Variants in CACNA1D observed in about 807,000 individuals in gnomAD.
The protein encoded by CACNA1D is calcium voltage-gated channel subunit alpha1 D.
CACNA1D carries 55 observed loss-of-function variants against 257.1 expected under a neutral mutation model. The observed-to-expected ratio is 0.21, with a 90% CI of 0.17 to 0.27. The LOEUF (loss-of-function observed/expected upper bound fraction) is 0.27, where lower values mean the gene tolerates loss of function less well. Ranked by LOEUF, CACNA1D falls within the 10% of genes least tolerant of loss-of-function variation. CACNA1D has a pLI of 1.00. For synonymous variants in CACNA1D, 980 were observed against 1,014.9 expected (o/e 0.97, Z 0.65); for missense variants, 1,876 against 2,784.0 (o/e 0.67, Z 7.34).
intron 7 of CACNA1D, among the ~76,000 whole-genome samples, chr3:53,667,647 C>T (rs1010366782): frequency 6.6e-6 from 1 of 152,188 alleles, no homozygotes; most frequent in South Asian, 2.1e-4. Flanking sequence ...TGCTGCCCTT[C>T]AGCAGCTCAC....
intron 8 of CACNA1D, among the ~76,000 whole-genome samples, chr3:53,674,433 A>G (rs963319550): frequency 6.6e-6 from 1 of 152,244 alleles, no homozygotes; most frequent in Admixed American, 6.5e-5. Flanking sequence ...ATGCAGAGTG[A>G]TGATCGACTT....
At chr3:53,665,509 C>T (rs1055616746) in intron 5 of CACNA1D, 151 bp from the exon 6 acceptor site, 6 of 660,010 alleles carry the variant, frequency 9.1e-6, no homozygotes, top group Non-Finnish European at 1.1e-5. Flanking sequence ...TATCTCACAT[C>T]CAGGCTTAAT....
intron 32 of CACNA1D, among the ~76,000 whole-genome samples, chr3:53,771,938 G>A (rs1172636094): frequency 1.3e-5 from 2 of 152,246 alleles, no homozygotes; most frequent in Non-Finnish European, 2.9e-5. Context: ...AGCTGGCACA[G>A]GTCTGAAGGT....
chr3:53,629,335 A>G (rs1357103004), intron 3 of CACNA1D, among the ~76,000 whole-genome samples: 1 of 152,244 alleles, frequency 6.6e-6, no homozygotes, highest in East Asian at 1.9e-4. Flanking sequence ...ACCAGGACAG[A>G]AGCCTAGGCT....
intron 7 of CACNA1D, among the ~76,000 whole-genome samples, chr3:53,670,669 A>G (rs1337605009): frequency 6.6e-6 from 1 of 152,198 alleles, no homozygotes; most frequent in Non-Finnish European, 1.5e-5. Context: ...AAAAGAAGGA[A>G]AACTGAAGCT....
chr3:53,557,713 G>A (rs888935028), intron 3 of CACNA1D, among the ~76,000 whole-genome samples: 2 of 152,094 alleles, frequency 1.3e-5, no homozygotes, highest in Non-Finnish European at 2.9e-5. Context: ...CTATTCTGTT[G>A]GTCTTTGTGT....
chr3:53,504,740 A>G (rs1357087803), intron 3 of CACNA1D, among the ~76,000 whole-genome samples: 1 of 152,098 alleles, frequency 6.6e-6, no homozygotes, highest in African/African-American at 2.4e-5. Context: ...ATCAAGTGTC[A>G]GAGTGGGGAT....
chr3:53,521,954 A>T (rs1435713348), intron 3 of CACNA1D, among the ~76,000 whole-genome samples: 3 of 141,274 alleles, frequency 2.1e-5, no homozygotes, highest in Non-Finnish European at 4.6e-5. Context: ...GTGAGACCCC[A>T]TCTCTACCAA....
At chr3:53,520,890 C>CTTTCTTTCTTTTCT (rs1366127073) in intron 3 of CACNA1D, among the ~76,000 whole-genome samples, 4 of 120,558 alleles carry the variant, frequency 3.3e-5, no homozygotes, top group Admixed American at 8.3e-5. Flanking sequence ...TTCTTTCTTT[C>CTTTCTTTCTTTTCT]TTTCTTTTCT....
intron 3 of CACNA1D, among the ~76,000 whole-genome samples, chr3:53,510,571 A>G (rs2091064109): frequency 6.6e-6 from 1 of 152,216 alleles, no homozygotes; most frequent in Non-Finnish European, 1.5e-5. Flanking sequence ...GTCTGGGATG[A>G]CAACTCAGAA....
chr3:53,731,295 C>T, intron 17 of CACNA1D, 149 bp downstream of exon 17: 1 of 660,954 alleles, frequency 1.5e-6, no homozygotes, highest in Admixed American at 2.5e-5. Flanking sequence ...TAGACCCTGG[C>T]TTCCCAGGGG....
Position 53,745,737 on chromosome 3 carries a change from G to A in CACNA1D, c.3114+6G>A. The A allele has an allele frequency of 6.2e-7, 1 of 1,605,768 alleles. No individual in the cohort carries two copies. The highest frequency in any genetic ancestry group is 8.5e-7 in the Non-Finnish European group (1 of 1,172,278). On this transcript the variant is annotated splice_donor_region_variant and intron_variant, in intron 24 of 47. Transcript: ENST00000350061. ...TCGGGGTCCAGTTGTTCAAGGTAGAGGAACTGCCTCCAAGCATAAAACTCA... is the reference window on the plus strand; with the variant it reads ...TCGGGGTCCAGTTGTTCAAGGTAGAAGAACTGCCTCCAAGCATAAAACTCA...
At chr3:53,790,605 G>A (rs1290347376) in intron 40 of CACNA1D, among the ~76,000 whole-genome samples, 2 of 152,234 alleles carry the variant, frequency 1.3e-5, no homozygotes, top group African/African-American at 4.8e-5. Flanking sequence ...TAGGTTGTTA[G>A]GTTGAATAAT....
chr3:53,732,431 A>G (rs977947721), intron 18 of CACNA1D, among the ~76,000 whole-genome samples: 3 of 152,178 alleles, frequency 2.0e-5, no homozygotes, highest in African/African-American at 7.2e-5. Flanking sequence ...TTGGGAGCCT[A>G]GGAGCTGATT....
Position 53,589,359 on chromosome 3 carries a change from T to G in CACNA1D, c.484-61420T>G, listed in dbSNP as rs529365819. Among the ~76,000 whole-genome samples the G allele has an allele frequency of 2.6e-5, 4 of 152,256 alleles. No individual in the cohort carries two copies. The South Asian group carries it at 8.3e-4, about 32-fold the overall frequency. On this transcript the variant is annotated intron_variant, in intron 3 of 47. Coordinates refer to ENST00000350061, the MANE Select transcript of CACNA1D (RefSeq NM_001128840.3). Reference sequence around the variant, plus strand: ...TGGGGTGACAGATGGGGTGTTCATGTTCTGTGAGCTCTCAGCCGTCCCGAG... The same window carrying G: ...TGGGGTGACAGATGGGGTGTTCATGGTCTGTGAGCTCTCAGCCGTCCCGAG...
At chr3:53,589,644 C>T (rs528010558) in intron 3 of CACNA1D, among the ~76,000 whole-genome samples, 1 of 152,316 alleles carries the variant, frequency 6.6e-6, no homozygotes, top group East Asian at 1.9e-4. Context: ...ACGTCTCCTT[C>T]TGTTGCCCAG....
intron 9 of CACNA1D, among the ~76,000 whole-genome samples, chr3:53,703,219 T>C (rs1379667015): frequency 2.0e-5 from 3 of 152,224 alleles, no homozygotes; most frequent in Non-Finnish European, 4.4e-5. Flanking sequence ...GGGTTCCTCT[T>C]GACTCTTACT....
At chr3:53,720,558 G>A (rs1418168990) in intron 11 of CACNA1D, among the ~76,000 whole-genome samples, 2 of 152,164 alleles carry the variant, frequency 1.3e-5, no homozygotes, top group Admixed American at 6.5e-5. Context: ...AAAGGAGAGT[G>A]TCAATAATAG....
intron 3 of CACNA1D, among the ~76,000 whole-genome samples, chr3:53,584,829 T>C (rs1263818300): frequency 1.3e-5 from 2 of 150,864 alleles, no homozygotes; most frequent in South Asian, 4.3e-4. Flanking sequence ...CCTTGCTGTT[T>C]GCAGTGCTGC....
Sources: gnomAD v4.1 joint callset for allele counts (sites outside exome capture counted in the v4.1 genomes callset) on GRCh38, gnomAD v4.1.1 for gene constraint, MANE v1.5 for transcripts, NCBI Gene and HGNC (gene_info 2026-07-23, HGNC 2026-07-21) for gene names.